The following APBB2 variants were observed in gnomAD, a reference collection of about 807,000 sequenced individuals.
APBB2 encodes the protein Fe65-like 1.
Under a neutral mutation model 82.5 loss-of-function variants are expected in APBB2, and 38 were observed. The ratio of observed to expected loss-of-function variants is 0.46; its 90% CI spans 0.36 to 0.60. The LOEUF (loss-of-function observed/expected upper bound fraction) is 0.60, where lower values mean the gene tolerates loss of function less well. APBB2 is among the 20% of genes least tolerant of loss of function. The pLI is 0.00. For missense variants in APBB2, 772 were observed against 972.3 expected (o/e 0.79, Z 2.74); for synonymous variants, 341 against 368.2 (o/e 0.93, Z 0.85).
chr4:41,001,775 G>A (rs1366185869), intron 6 of APBB2, among the ~76,000 whole-genome samples: 2 of 152,074 alleles, frequency 1.3e-5, no homozygotes, highest in Admixed American at 6.5e-5. Context: ...CTACTGGGGA[G>A]GCTGAGGCAG....
At chr4:40,985,952 T>C (rs1800307683) in intron 6 of APBB2, among the ~76,000 whole-genome samples, 1 of 152,200 alleles carries the variant, frequency 6.6e-6, no homozygotes, top group African/African-American at 2.4e-5. Context: ...TCAACTCCGG[T>C]AATAGGTTGT....
At chr4:41,067,523 A>G (rs1732362950) in intron 3 of APBB2, among the ~76,000 whole-genome samples, 1 of 152,190 alleles carries the variant, frequency 6.6e-6, no homozygotes, top group African/African-American at 2.4e-5. Flanking sequence ...ATAAAGGCAT[A>G]AAAGTGATTA....
intron 7 of APBB2, among the ~76,000 whole-genome samples, chr4:40,941,074 A>T (rs997533520): frequency 1.3e-5 from 2 of 152,220 alleles, no homozygotes; most frequent in Non-Finnish European, 2.9e-5. Flanking sequence ...TTCAAACTGT[A>T]AGGAAGCCTT....
chr4:41,151,343 T>C (rs1006278904), intron 1 of APBB2, among the ~76,000 whole-genome samples: 15 of 152,236 alleles, frequency 9.9e-5, no homozygotes, highest in Non-Finnish European at 1.6e-4. Flanking sequence ...ATATTTGTAT[T>C]GTTCAATACA....
At chr4:41,000,105 G>GTGTGTGTA (rs10694468) in intron 6 of APBB2, among the ~76,000 whole-genome samples, 6,314 of 134,836 alleles carry the variant, frequency 0.047, 275 homozygotes, top group East Asian at 0.065. Context: ...GTGTGTGTGT[G>GTGTGTGTA]TATAAATTAG....
chr4:41,097,987 T>A (rs1212674832), intron 3 of APBB2, among the ~76,000 whole-genome samples: 1 of 151,938 alleles, frequency 6.6e-6, no homozygotes, highest in African/African-American at 2.4e-5. Context: ...ATGACTTTAA[T>A]AAATATCAGA....
At chr4:40,999,979 G>A (rs574109876) in intron 6 of APBB2, among the ~76,000 whole-genome samples, 10 of 150,476 alleles carry the variant, frequency 6.6e-5, no homozygotes, top group Non-Finnish European at 1.5e-4. Flanking sequence ...AGGAGTTTGA[G>A]AACAGCCTGG....
intron 17 of APBB2, 70 bp downstream of exon 17, chr4:40,821,801 C>A (rs572955785): frequency 9.7e-6 from 15 of 1,549,402 alleles, no homozygotes; most frequent in Non-Finnish European, 1.2e-5. Context: ...AGTGATTCTG[C>A]TATAATGTAT....
chr4:41,097,081 G>A (rs73810827), intron 3 of APBB2, among the ~76,000 whole-genome samples: 1,923 of 152,306 alleles, frequency 0.013, 36 homozygotes, highest in African/African-American at 0.044. Context: ...TGTTCCTTCT[G>A]TAACCATCAT....
At chr4:41,137,057 T>C (rs190947605) in intron 2 of APBB2, among the ~76,000 whole-genome samples, 38 of 152,288 alleles carry the variant, frequency 2.5e-4, no homozygotes, top group East Asian at 1.9e-3. Context: ...AAAAACAGAA[T>C]AGGTAAATAT....
chr4:40,905,181 C>T (rs1440510219), intron 10 of APBB2, among the ~76,000 whole-genome samples: 2 of 152,198 alleles, frequency 1.3e-5, no homozygotes, highest in South Asian at 2.1e-4. Context: ...ATTGAAATAT[C>T]GCCCACGATA....
At chr4:41,096,199 C>T (rs1743406318) in intron 3 of APBB2, among the ~76,000 whole-genome samples, 1 of 152,220 alleles carries the variant, frequency 6.6e-6, no homozygotes, top group Non-Finnish European at 1.5e-5. Context: ...CTACAGCATT[C>T]TTGAATCAGC....
At chr4:41,062,260 C>T (rs562452343) in intron 4 of APBB2, among the ~76,000 whole-genome samples, 1 of 152,180 alleles carries the variant, frequency 6.6e-6, no homozygotes, top group East Asian at 1.9e-4. Flanking sequence ...GCAACCTCCG[C>T]CTCCCAGGTT....
chr4:40,936,104 A>C (rs1314348056), intron 7 of APBB2, among the ~76,000 whole-genome samples: 1 of 152,218 alleles, frequency 6.6e-6, no homozygotes, highest in East Asian at 1.9e-4. Flanking sequence ...CTTTTCAGCT[A>C]AATCACTTTT....
intron 1 of APBB2, among the ~76,000 whole-genome samples, chr4:41,196,690 C>T: frequency 7.3e-6 from 1 of 136,478 alleles, no homozygotes; most frequent in African/African-American, 2.8e-5. Flanking sequence ...GTTGAAATTT[C>T]TAGTGATGTT....
At chr4:40,991,011 A>ATTTTTTTTTTTT (rs796337000) in intron 6 of APBB2, among the ~76,000 whole-genome samples, 14 of 134,836 alleles carry the variant, frequency 1.0e-4, no homozygotes, top group Admixed American at 4.1e-4. Context: ...ACTGAGTTTC[A>ATTTTTTTTTTTT]TTTTTTTTTT....
intron 10 of APBB2, among the ~76,000 whole-genome samples, chr4:40,907,361 ATATATATATATATATATATTT>A (rs1560860711): frequency 8.1e-5 from 7 of 86,894 alleles, no homozygotes; most frequent in African/African-American, 4.4e-4. Flanking sequence ...ATATATATAT[ATATATATATATATATATATTT>A]TTTTTTTTTT....
intron 6 of APBB2, among the ~76,000 whole-genome samples, chr4:40,982,269 AGAAAGAAAGAAAGAAG>A (rs1798828866): frequency 3.0e-5 from 1 of 33,454 alleles, no homozygotes; most frequent in African/African-American, 1.3e-4. Flanking sequence ...AAAGAAAGAA[AGAAAGAAAGAAAGAAG>A]GAAGGAAGGA....
chr4:40,930,482 T>C (rs923733659), intron 10 of APBB2, among the ~76,000 whole-genome samples: 1 of 147,538 alleles, frequency 6.8e-6, no homozygotes, highest in Non-Finnish European at 1.5e-5. Flanking sequence ...CGTGCGCGTA[T>C]GCGTGTGTAT....
Sources: gnomAD v4.1 joint callset for allele counts (sites outside exome capture counted in the v4.1 genomes callset) on GRCh38, gnomAD v4.1.1 for gene constraint, MANE v1.5 for transcripts, NCBI Gene and HGNC (gene_info 2026-07-23, HGNC 2026-07-21) for gene names.